The following VIRMA variants were observed in gnomAD, a reference collection of about 807,000 sequenced individuals.
The protein encoded by VIRMA is protein virilizer homolog.
Under a neutral mutation model 182.4 loss-of-function variants are expected in VIRMA, and 65 were observed. The observed-to-expected ratio is 0.36, with a 90% CI of 0.29 to 0.44. VIRMA has a LOEUF of 0.44. Ranked by LOEUF, VIRMA falls within the 20% of genes least tolerant of loss-of-function variation. VIRMA has a pLI of 1.00. For missense variants in VIRMA, 1,752 were observed against 2,158.1 expected (o/e 0.81, Z 3.73); for synonymous variants, 709 against 743.1 (o/e 0.95, Z 0.75).
chr8:94,541,391 C>A (rs1367844597), intron 2 of VIRMA, among the ~76,000 whole-genome samples: 1 of 152,134 alleles, frequency 6.6e-6, no homozygotes, highest in African/African-American at 2.4e-5. Context: ...TGAGCCACCA[C>A]ACCCTACCAG....
At chr8:94,544,774 G>GT (rs1236569582) in intron 1 of VIRMA, among the ~76,000 whole-genome samples, 4 of 151,722 alleles carry the variant, frequency 2.6e-5, no homozygotes, top group Non-Finnish European at 4.4e-5. Flanking sequence ...TTTGGTGTAA[G>GT]TTTTTTGCCA....
intron 2 of VIRMA, among the ~76,000 whole-genome samples, chr8:94,542,351 A>C (rs1054856953): frequency 6.6e-6 from 1 of 152,176 alleles, no homozygotes; most frequent in Non-Finnish European, 1.5e-5. Flanking sequence ...CTGGCAAAGA[A>C]GTGAAGCCTC....
chr8:94,510,321 T>C (rs527365436), intron 14 of VIRMA, 96 bp downstream of exon 14: 72 of 843,592 alleles, frequency 8.5e-5, no homozygotes, highest in Non-Finnish European at 1.2e-4. Flanking sequence ...ATATGTTATC[T>C]GGGCATTCCA....
At chr8:94,550,096 T>TAAA (rs79930556) in intron 1 of VIRMA, among the ~76,000 whole-genome samples, 5 of 130,414 alleles carry the variant, frequency 3.8e-5, no homozygotes, top group Admixed American at 7.7e-5. Flanking sequence ...GACCTAGTCT[T>TAAA]AAAAAAAAAA....
intron 1 of VIRMA, among the ~76,000 whole-genome samples, chr8:94,545,538 G>C (rs1322786155): frequency 6.6e-6 from 1 of 152,160 alleles, no homozygotes; most frequent in East Asian, 1.9e-4. Flanking sequence ...TGTCGACTAT[G>C]TTCCAAAGTA....
intron 8 of VIRMA, 121 bp from the exon 9 acceptor site, chr8:94,519,597 C>T: frequency 1.1e-6 from 1 of 939,146 alleles, no homozygotes. Context: ...CAGTAATATA[C>T]TGCTTTAACT....
chr8:94,527,425 G>T (rs1040227141), intron 7 of VIRMA, 62 bp from the exon 8 acceptor site: 17 of 997,656 alleles, frequency 1.7e-5, no homozygotes, highest in Non-Finnish European at 2.0e-5. Context: ...CATAAATTCT[G>T]ATTGAACAAG....
At position 94,534,909 on chromosome 8, in the gene VIRMA, A is replaced by G. The variant is rs745513369; in HGVS notation, c.414T>C (p.Ser138=). 6.2e-7 allele frequency: 1 copy of G among 1,613,392 alleles called. No individual in the cohort carries two copies. The highest frequency in any genetic ancestry group is 1.7e-5 in the Admixed American group (1 of 59,922). The change falls in exon 5 of 24, where the codon TCT becomes TCC. Residue 138 remains serine (S), a synonymous_variant. Coordinates refer to ENST00000297591, the MANE Select transcript of VIRMA (RefSeq NM_015496.5). ...GTGGCGGTGGAGGTGGTGGTGGTGG[A>G]GAGTCTCTGTCATGACTTATCACTC... ...VDRVISHDRD[S]PPPPPPPPPP...
At chr8:94,514,077 ACT>A (rs36005087) in intron 11 of VIRMA, among the ~76,000 whole-genome samples, 36,400 of 151,926 alleles carry the variant, frequency 0.24, 5,336 homozygotes, top group East Asian at 0.51. Context: ...TGGCTTATAT[ACT>A]CTCTCTCTCT....
At chr8:94,510,002 GTATT>G (rs1814310219) in intron 14 of VIRMA, 62 bp from the exon 15 acceptor site, 1 of 1,432,692 alleles carries the variant, frequency 7.0e-7, no homozygotes, top group Non-Finnish European at 9.4e-7. Context: ...TGTTTAACTA[GTATT>G]TATTTCTCAA....
At chr8:94,516,064 C>T (rs1814552241) in intron 10 of VIRMA, among the ~76,000 whole-genome samples, 1 of 152,068 alleles carries the variant, frequency 6.6e-6, no homozygotes. Flanking sequence ...GCCGAGATCA[C>T]ACCACTACAC....
chr8:94,512,548 G>A (rs1483371742), intron 11 of VIRMA: 3 of 152,256 alleles, frequency 2.0e-5, no homozygotes, highest in African/African-American at 7.2e-5. Context: ...AGGTTGAGGT[G>A]GAAGGATTGC....
chr8:94,525,499 G>T (rs1286366023), intron 8 of VIRMA, among the ~76,000 whole-genome samples: 1 of 152,210 alleles, frequency 6.6e-6, no homozygotes, highest in Non-Finnish European at 1.5e-5. Context: ...CTAAAAACAG[G>T]AACTTGGATA....
Position 94,496,441 on chromosome 8 carries a change from C to T in VIRMA, c.4270G>A (p.Gly1424Arg). Residue 1424 changes from glycine to arginine, a missense_variant, in exon 18 of 24, where the codon GGA (glycine) becomes AGA (arginine). Coordinates refer to ENST00000297591, the MANE Select transcript of VIRMA (RefSeq NM_015496.5). ...CTCATCGTCCGTGATGTATGAGCTC[C>T]CTCTACTTCCATGAGACCATTATCA... ...GDDNGLMEVE[G>R]AHTSRTMSIN... The T allele has an allele frequency of 1.2e-6, 2 of 1,613,236 alleles. No individual in the cohort carries two copies. The highest frequency in any genetic ancestry group is 2.2e-5 in the South Asian group (2 of 90,918).
intron 8 of VIRMA, among the ~76,000 whole-genome samples, chr8:94,523,742 C>A (rs1427006678): frequency 2.0e-5 from 3 of 151,760 alleles, no homozygotes; most frequent in Non-Finnish European, 4.4e-5. Context: ...GATTCTCCTG[C>A]CTCAGCCTCC....
At chr8:94,512,132 C>A in intron 11 of VIRMA, 43 bp from the exon 12 acceptor site, 2 of 991,948 alleles carry the variant, frequency 2.0e-6, no homozygotes, top group South Asian at 2.9e-5. Flanking sequence ...TTCTTAGTAC[C>A]CATGAGATCA....
Position 94,517,932 on chromosome 8 carries a change from A to T in VIRMA, c.2524T>A (p.Ser842Thr). 6.2e-7 allele frequency: 1 copy of T among 1,608,998 alleles called. No homozygotes were observed. The highest frequency in any genetic ancestry group is 8.5e-7 in the Non-Finnish European group (1 of 1,178,058). The change falls in exon 10 of 24, where the codon TCT (serine) becomes ACT (threonine). Residue 842 changes from serine (S) to threonine (T), a missense_variant. By Grantham distance (58) the Ser-to-Thr change is moderately conservative. Coordinates refer to ENST00000297591, the MANE Select transcript of VIRMA (RefSeq NM_015496.5). ...YSKEALGDSK[S>T]KKSVAYNYAC... The stretch of plus-strand genomic sequence containing the variant: ...TAATTATAAGCTACTGACTTCTTAG[A>T]TTTGGAATCACTGAAACAAAATAAG...
chr8:94,514,228 C>T (rs939114562), intron 11 of VIRMA, among the ~76,000 whole-genome samples: 1 of 152,202 alleles, frequency 6.6e-6, no homozygotes, highest in African/African-American at 2.4e-5. Context: ...TATATGAGTG[C>T]TTCTAACCTT....
Position 94,511,478 on chromosome 8 carries a change from C to A in VIRMA, c.3097G>T (p.Val1033Phe). 1 of 1,614,122 alleles carries A rather than the reference C, an allele frequency of 6.2e-7. No homozygotes were observed. Reference protein sequence around the residue: ...GGSFEFKDMRVPSALVTLHML... With the variant: ...GGSFEFKDMRFPSALVTLHML... The stretch of plus-strand genomic sequence containing the variant: ...TGTAAAGTAACAAGCGCTGAAGGAA[C>A]ACGCATGTCCTTAAACTCAAAGGAT... Residue 1033 changes from valine (V) to phenylalanine (F), a missense_variant, in exon 13 of 24, where the codon GTT becomes TTT. Val to Phe is a conservative substitution (Grantham distance 50, BLOSUM62 -1). This residue lies in a region of VIRMA where 777 missense variants were observed against 920.6 expected (regional missense o/e 0.84). Coordinates refer to ENST00000297591, the MANE Select transcript of VIRMA (RefSeq NM_015496.5).
Sources: allele counts gnomAD v4.1 joint callset (sites outside exome capture counted in the v4.1 genomes callset), GRCh38; gene constraint gnomAD v4.1.1; regional missense constraint gnomAD v4.1.1; transcripts MANE v1.5; gene names NCBI Gene and HGNC (gene_info 2026-07-23, HGNC 2026-07-21).